The following NUSAP1 variants were observed in gnomAD, a reference collection of about 807,000 sequenced individuals.
NUSAP1 encodes the protein nucleolar and spindle associated protein 1.
Under a neutral mutation model 52.8 loss-of-function variants are expected in NUSAP1, and 32 were observed. The observed-to-expected ratio is 0.61, with a 90% CI of 0.46 to 0.81. The LOEUF (loss-of-function observed/expected upper bound fraction) is 0.81. NUSAP1 is among the 40% of genes least tolerant of loss of function. The probability of loss-of-function intolerance (pLI) is 0.00; values close to 1 mark genes in which losing one functional copy is unlikely to be tolerated. For synonymous variants in NUSAP1, 195 were observed against 183.1 expected (o/e 1.06, Z -0.52); for missense variants, 499 against 522.3 (o/e 0.96, Z 0.43).
In NUSAP1 at chr15:41,342,473, GT is replaced by G; in HGVS notation, c.162+22del. On this transcript the variant is annotated intron_variant, in intron 2 of 10. Transcript: ENST00000559596. ...GAATCAGGTGAGTAATGTTTTTCAT[GT>G]TTACCTGTTAGCTAGCAAAATAATC... The G allele has an allele frequency of 6.6e-7, 1 of 1,524,318 alleles. No homozygotes were observed. The highest frequency in any genetic ancestry group is 8.9e-7 in the Non-Finnish European group (1 of 1,119,806). The allele number at this position is 1,524,318 out of a possible 1,614,324, so 94.4% of individuals were successfully genotyped here.
In NUSAP1 at chr15:41,344,570, G is replaced by A. The variant is rs183789557; in HGVS notation, c.162+2116G>A. On this transcript the variant is annotated intron_variant, in intron 2 of 10. Transcript: ENST00000559596. ...GGAGAATGGAGTGAACCCAGGAGGC[G>A]GAGCTTGCAGTGAGCCGAGATCATG... 2.6e-4 allele frequency among the ~76,000 whole-genome samples: 39 copies of A among 152,070 alleles called. No homozygotes were observed. In the East Asian group the frequency reaches 4.3e-3, roughly 17 times the overall value.
At chr15:41,340,499 C>G (rs967789715) in intron 1 of NUSAP1, among the ~76,000 whole-genome samples, 6 of 151,734 alleles carry the variant, frequency 4.0e-5, no homozygotes, top group African/African-American at 1.2e-4. Flanking sequence ...GGAACAGTGC[C>G]CAGCACAATA....
intron 2 of NUSAP1, among the ~76,000 whole-genome samples, chr15:41,344,928 G>A (rs1230910854): frequency 6.6e-6 from 1 of 152,032 alleles, no homozygotes; most frequent in Non-Finnish European, 1.5e-5. Flanking sequence ...GCAACAGAAT[G>A]AGACTCCGTC....
rs1402292645 is a variant in NUSAP1 at position 41,332,918 on chromosome 15, G to C, written c.-40G>C. 2.0e-6 allele frequency: 3 copies of C among 1,506,658 alleles called. No homozygotes were observed. In the African/African-American group the frequency reaches 4.1e-5, roughly 21 times the overall value. The allele number at this position is 1,506,658 out of a possible 1,614,324, so 93.3% of individuals were successfully genotyped here. ...ATTTGAACCGCGCTGACGAAGTTTGGTGATCCATCTTCCGAGTATCGCCGG... is the reference window on the plus strand; with the variant it reads ...ATTTGAACCGCGCTGACGAAGTTTGCTGATCCATCTTCCGAGTATCGCCGG... On this transcript the variant is annotated 5_prime_UTR_variant, in exon 1 of 11. Coordinates refer to ENST00000559596, the MANE Select transcript of NUSAP1 (RefSeq NM_016359.5).
intron 7 of NUSAP1, among the ~76,000 whole-genome samples, chr15:41,369,338 G>T (rs2049560369): frequency 6.6e-6 from 1 of 152,010 alleles, no homozygotes; most frequent in Admixed American, 6.6e-5. Flanking sequence ...TGTAATTGGT[G>T]GTTCTGATTT....
intron 7 of NUSAP1, among the ~76,000 whole-genome samples, chr15:41,366,225 G>A (rs2049403877): frequency 4.0e-5 from 6 of 151,212 alleles, no homozygotes; most frequent in Non-Finnish European, 8.8e-5. Flanking sequence ...ATCCCACCTT[G>A]GCCAACCAAA....
At chr15:41,363,610 C>T (rs144967174) in intron 6 of NUSAP1, among the ~76,000 whole-genome samples, 177 of 152,140 alleles carry the variant, frequency 1.2e-3, no homozygotes, top group African/African-American at 4.0e-3. Context: ...TAGGCTCAAG[C>T]GGTCCCCCCT....
At chr15:41,355,541 A>G (rs374023097) in intron 4 of NUSAP1, among the ~76,000 whole-genome samples, 77 of 152,280 alleles carry the variant, frequency 5.1e-4, no homozygotes, top group African/African-American at 1.9e-3. Context: ...TACTTGAAGC[A>G]TATGACCTGT....
intron 1 of NUSAP1, among the ~76,000 whole-genome samples, chr15:41,336,497 C>T (rs935794933): frequency 6.6e-6 from 1 of 151,880 alleles, no homozygotes. Context: ...TGGCAAAACC[C>T]AAGCCTGATT....
chr15:41,375,788 A>T lies in NUSAP1; in HGVS notation c.1083A>T (p.Lys361Asn), dbSNP rs1369432550. The change falls in exon 9 of 11, where the codon AAA becomes AAT. Residue 361 changes from lysine (K) to asparagine (N), a missense_variant. By Grantham distance (94) the Lys-to-Asn change is moderately conservative. Coordinates refer to ENST00000559596, the MANE Select transcript of NUSAP1 (RefSeq NM_016359.5). ...VSNKKPVFDL[K>N]ASLSRPLNYE... The stretch of plus-strand genomic sequence containing the variant: ...ATAAGAAACCAGTGTTTGATCTTAA[A>T]GCAAGTTTGTCTCGTCCCCTCAACT... 6.2e-7 allele frequency: 1 copy of T among 1,613,756 alleles called. No individual in the cohort carries two copies. Among genetic ancestry groups the T allele is most frequent in the African/African-American group, 1.3e-5 (1 of 74,936 alleles).
intron 7 of NUSAP1, among the ~76,000 whole-genome samples, chr15:41,369,253 T>G (rs2049556454): frequency 6.6e-6 from 1 of 152,090 alleles, no homozygotes; most frequent in Admixed American, 6.6e-5. Context: ...GTTCCTCCAA[T>G]GTAGTTTTTC....
chr15:41,380,370 GCTCAAATT>G lies in NUSAP1; in HGVS notation c.*187_*194del, dbSNP rs2050162729. On this transcript the variant is annotated 3_prime_UTR_variant, in exon 11 of 11. Coordinates refer to ENST00000559596, the MANE Select transcript of NUSAP1 (RefSeq NM_016359.5). ...TCTGAAAAGACGTTATCACCTTAAAGCTCAAATTCTTTGGGATGGTTTTTACTTAAGTC... is the reference window on the plus strand; with the variant it reads ...TCTGAAAAGACGTTATCACCTTAAAGCTTTGGGATGGTTTTTACTTAAGTC... 2.3e-6 allele frequency: 1 copy of G among 439,280 alleles called. No homozygotes were observed. Among genetic ancestry groups the G allele is most frequent in the Admixed American group, 4.0e-5 (1 of 24,798 alleles). The allele number at this position is 439,280 out of a possible 1,614,324, so 27.2% of individuals were successfully genotyped here. A position where few individuals can be genotyped will look rare whatever the true frequency, so the allele number is the denominator to read the frequency against.
At chr15:41,374,668 T>C (rs778970045) in intron 8 of NUSAP1, among the ~76,000 whole-genome samples, 1 of 150,504 alleles carries the variant, frequency 6.6e-6, no homozygotes, top group African/African-American at 2.5e-5. Context: ...GCTGGGATTT[T>C]GGGCACACGC....
intron 9 of NUSAP1, 132 bp downstream of exon 9, chr15:41,375,960 G>A (rs2049916052): frequency 1.6e-6 from 1 of 615,860 alleles, no homozygotes; most frequent in Non-Finnish European, 2.9e-6. Context: ...CAGATACTTA[G>A]GATGCTGAGA....
At chr15:41,345,998 C>T (rs1350492939) in intron 2 of NUSAP1, among the ~76,000 whole-genome samples, 1 of 151,936 alleles carries the variant, frequency 6.6e-6, no homozygotes, top group Non-Finnish European at 1.5e-5. Context: ...AACTATTCCA[C>T]TTCTGTAATA....
intron 9 of NUSAP1, 44 bp downstream of exon 9, chr15:41,375,872 A>G (rs777062966): frequency 2.2e-6 from 3 of 1,368,322 alleles, no homozygotes; most frequent in Non-Finnish European, 3.1e-6. Context: ...AAAATACTTA[A>G]GATTGGTGGG....
chr15:41,335,289 T>C (rs547688352), intron 1 of NUSAP1, among the ~76,000 whole-genome samples: 1 of 145,724 alleles, frequency 6.9e-6, no homozygotes, highest in African/African-American at 2.5e-5. Context: ...TTATTACTAG[T>C]ATAAATATAT....
intron 1 of NUSAP1, 61 bp downstream of exon 1, chr15:41,333,111 A>T: frequency 7.5e-7 from 1 of 1,324,930 alleles, no homozygotes; most frequent in Admixed American, 1.9e-5. Flanking sequence ...CCTCGGGGAG[A>T]TGCGGTGCGA....
At chr15:41,380,056 C>T in intron 10 of NUSAP1, 37 bp from the exon 11 acceptor site, 4 of 1,459,686 alleles carry the variant, frequency 2.7e-6, no homozygotes, top group South Asian at 1.3e-5. Flanking sequence ...TGTTTTGGAG[C>T]CTCCCTAGAG....
Sources: allele counts gnomAD v4.1 joint callset (sites outside exome capture counted in the v4.1 genomes callset), GRCh38; gene constraint gnomAD v4.1.1; transcripts MANE v1.5; gene names NCBI Gene and HGNC (gene_info 2026-07-23, HGNC 2026-07-21).